PATL1: variants seen among roughly 807,000 people sequenced by gnomAD.
The protein encoded by PATL1 is protein PAT1 homolog 1.
PATL1 carries 32 observed loss-of-function variants against 100.6 expected under a neutral mutation model. The observed-to-expected ratio is 0.32, with a 90% CI of 0.24 to 0.43. PATL1 has a LOEUF of 0.43. PATL1 is among the 20% of genes least tolerant of loss of function. The pLI is 1.00. For missense variants in PATL1, 747 were observed against 949.9 expected, an observed-to-expected ratio of 0.79 and a Z score of 2.81; for synonymous variants, 332 against 330.0, an observed-to-expected ratio of 1.01 and a Z score of -0.07.
chr11:59,642,633 G>C (rs1861301909), intron 16 of PATL1: 1 of 349,812 alleles, frequency 2.9e-6, no homozygotes, highest in Non-Finnish European at 5.1e-6. Flanking sequence ...AGGAAAAAAA[G>C]TGAAAAAGCC....
intron 2 of PATL1, among the ~76,000 whole-genome samples, chr11:59,664,527 T>C (rs11230039): frequency 4.1e-4 from 63 of 152,366 alleles, no homozygotes; most frequent in South Asian, 8.3e-4. Flanking sequence ...AAAAGAGTTC[T>C]AGAAACAAGC....
intron 2 of PATL1, among the ~76,000 whole-genome samples, chr11:59,665,371 C>T (rs1163292344): frequency 1.3e-5 from 2 of 152,192 alleles, no homozygotes; most frequent in East Asian, 3.8e-4. Context: ...ATTTGTTGCA[C>T]AGACAGAAGT....
chr11:59,637,964 A>G lies in PATL1; in HGVS notation c.*426T>C, dbSNP rs753289025. On this transcript the variant is annotated 3_prime_UTR_variant, in exon 19 of 19. Transcript: ENST00000300146. ...GTGTGTATATCTTGATTTCTACTTAATTGGCTCTTCTATAGTCATATTAAT... is the reference window on the plus strand; with the variant it reads ...GTGTGTATATCTTGATTTCTACTTAGTTGGCTCTTCTATAGTCATATTAAT... The G allele has an allele frequency of 5.2e-6, 1 of 194,010 alleles. No individual in the cohort carries two copies. The highest frequency in any genetic ancestry group is 2.3e-5 in the African/African-American group (1 of 43,306). The allele number at this position is 194,010 out of a possible 1,614,324, so 12.0% of individuals were successfully genotyped here. A position where few individuals can be genotyped will look rare whatever the true frequency, so the allele number is the denominator to read the frequency against.
At position 59,652,940 on chromosome 11, in the gene PATL1, T is replaced by C; in HGVS notation, c.1200A>G (p.Pro400=). The change falls in exon 10 of 19, where the codon CCA becomes CCG. Residue 400 remains proline (P), a synonymous_variant. Coordinates refer to ENST00000300146, the MANE Select transcript of PATL1 (RefSeq NM_152716.3). ...SSHQDHLRKD[P]YANLMLQREK... is the part of the protein sequence containing the mutation. ...CCCGCTGCAACATGAGATTGGCATA[T>C]GGATCCTTTCGGAGATGATCTTGAT... 5 of 1,613,992 alleles carry C rather than the reference T, an allele frequency of 3.1e-6. No homozygotes were observed. Among genetic ancestry groups the C allele is most frequent in the South Asian group, 2.2e-5 (2 of 91,070 alleles).
At chr11:59,654,162 AG>A in intron 8 of PATL1, 90 bp from the exon 9 acceptor site, 1 of 1,137,090 alleles carries the variant, frequency 8.8e-7, no homozygotes, top group Non-Finnish European at 1.3e-6. Flanking sequence ...AACTTCATAC[AG>A]GTTAACTTAA....
chr11:59,666,139 G>A lies in PATL1; in HGVS notation c.127+714C>T, dbSNP rs563038631. 1.2e-4 allele frequency among the ~76,000 whole-genome samples: 18 copies of A among 152,186 alleles called. No individual in the cohort carries two copies. In the South Asian group the frequency reaches 1.5e-3, roughly 12 times the overall value. On this transcript the variant is annotated intron_variant, in intron 2 of 18. Coordinates refer to ENST00000300146, the MANE Select transcript of PATL1 (RefSeq NM_152716.3). ...CGGGCACCTGTAATCCCGGCTACTC[G>A]GGAGCCTGAGGCAGGAGAACTGTTT...
intron 2 of PATL1, among the ~76,000 whole-genome samples, chr11:59,662,410 A>C (rs926861590): frequency 6.6e-6 from 1 of 152,186 alleles, no homozygotes; most frequent in African/African-American, 2.4e-5. Context: ...ACAGAAAAGA[A>C]TTTAAGGTAG....
intron 15 of PATL1, among the ~76,000 whole-genome samples, chr11:59,645,931 C>T (rs927843797): frequency 3.3e-5 from 5 of 152,170 alleles, no homozygotes; most frequent in African/African-American, 1.2e-4. Context: ...TGGTTTATTA[C>T]TCCTTAAAAC....
intron 9 of PATL1, 52 bp downstream of exon 9, chr11:59,653,931 T>A (rs1590700346): frequency 6.6e-7 from 1 of 1,504,784 alleles, no homozygotes; most frequent in South Asian, 1.1e-5. Flanking sequence ...GTTACACTGT[T>A]AAAATTAAAA....
chr11:59,651,381 A>T (rs1301648519), intron 12 of PATL1, among the ~76,000 whole-genome samples, 163 bp downstream of exon 12: 1 of 152,250 alleles, frequency 6.6e-6, no homozygotes, highest in Non-Finnish European at 1.5e-5. Flanking sequence ...TGAAGGTGTT[A>T]ATACTGCAGC....
At chr11:59,658,159 G>T (rs1861564947) in intron 4 of PATL1, among the ~76,000 whole-genome samples, 1 of 143,310 alleles carries the variant, frequency 7.0e-6, no homozygotes, top group African/African-American at 2.8e-5. Context: ...GCAAGACCTG[G>T]TCTCAAAAAA....
At chr11:59,656,105 T>C (rs1343157388) in intron 6 of PATL1, 60 bp from the exon 7 acceptor site, 11 of 971,770 alleles carry the variant, frequency 1.1e-5, no homozygotes, top group Middle Eastern at 3.4e-4. Flanking sequence ...TACATCATAA[T>C]AAGGAAACTC....
intron 8 of PATL1, 47 bp from the exon 9 acceptor site, chr11:59,654,119 T>C: frequency 1.3e-6 from 2 of 1,485,782 alleles, no homozygotes; most frequent in East Asian, 2.3e-5. Flanking sequence ...TCCTGATGAC[T>C]TGAAATTTTA....
At chr11:59,666,585 G>C (rs943877078) in intron 2 of PATL1, among the ~76,000 whole-genome samples, 1 of 152,064 alleles carries the variant, frequency 6.6e-6, no homozygotes, top group Non-Finnish European at 1.5e-5. Flanking sequence ...ATCCCTCATA[G>C]GGGCAACCTG....
At chr11:59,645,194 A>C (rs1447103379) in intron 15 of PATL1, among the ~76,000 whole-genome samples, 26 of 121,518 alleles carry the variant, frequency 2.1e-4, no homozygotes, top group Admixed American at 2.0e-3. Flanking sequence ...CTACACAGAC[A>C]CGGCAACCAT....
chr11:59,658,856 T>C lies in PATL1; in HGVS notation c.426+10A>G, dbSNP rs758728288. On this transcript the variant is annotated intron_variant, in intron 4 of 18. Transcript: ENST00000300146. ...TTATAAATTTTATGTAAAGAGAAAA[T>C]ATTTAATACCTGAGCAAGCAGTGGT... 1 of 1,538,460 alleles carries C rather than the reference T, an allele frequency of 6.5e-7. No individual in the cohort carries two copies. Among genetic ancestry groups the C allele is most frequent in the South Asian group, 1.2e-5 (1 of 81,402 alleles).
At chr11:59,660,778 G>C (rs530061979) in intron 2 of PATL1, among the ~76,000 whole-genome samples, 1 of 152,320 alleles carries the variant, frequency 6.6e-6, no homozygotes, top group East Asian at 1.9e-4. Context: ...CACTCTGGCT[G>C]CTGTGCTGAA....
chr11:59,642,633 G>A (rs1861301909), intron 16 of PATL1: 1 of 349,812 alleles, frequency 2.9e-6, no homozygotes, highest in Admixed American at 4.7e-5. Context: ...AGGAAAAAAA[G>A]TGAAAAAGCC....
chr11:59,645,974 A>G (rs1263962216), intron 15 of PATL1, among the ~76,000 whole-genome samples: 1 of 152,210 alleles, frequency 6.6e-6, no homozygotes, highest in East Asian at 1.9e-4. Flanking sequence ...GTATTTAGCC[A>G]AGCTTTCCTC....
Sources: allele counts gnomAD v4.1 joint callset (sites outside exome capture counted in the v4.1 genomes callset), GRCh38; gene constraint gnomAD v4.1.1; transcripts MANE v1.5; gene names NCBI Gene and HGNC (gene_info 2026-07-23, HGNC 2026-07-21).